The following COL4A6 variants were observed in gnomAD, a reference collection of about 807,000 sequenced individuals.
COL4A6 encodes collagen alpha-6(IV) chain.
COL4A6 carries 59 observed loss-of-function variants against 126.7 expected under a neutral mutation model. That is an observed-to-expected ratio of 0.47 (90% CI 0.38 to 0.58). The LOEUF (loss-of-function observed/expected upper bound fraction) is 0.58, where lower values mean the gene tolerates loss of function less well. Among genes scored for constraint, COL4A6 ranks in the 20% least tolerant of loss-of-function variants. COL4A6 has a pLI of 0.00. For synonymous variants in COL4A6, 547 were observed against 496.6 expected (o/e 1.10, Z -1.35); for missense variants, 1,285 against 1,337.3 (o/e 0.96, Z 0.61).
intron 2 of COL4A6, among the ~76,000 whole-genome samples, chrX:108,356,523 T>C (rs1401874385): frequency 9.0e-6 from 1 of 110,697 alleles, no homozygotes; most frequent in African/African-American, 3.3e-5. Flanking sequence ...TAAATAGGTT[T>C]GAAGGGTGAA....
At chrX:108,159,178 G>A (rs2294463) in intron 44 of COL4A6, among the ~76,000 whole-genome samples, 1,224 of 111,611 alleles carry the variant, frequency 0.011, 43 homozygotes, top group Admixed American at 0.081. Flanking sequence ...CTTCCCTTGG[G>A]TGTGGCATAA....
intron 3 of COL4A6, among the ~76,000 whole-genome samples, chrX:108,241,894 G>A (rs2036582244): frequency 9.1e-6 from 1 of 109,527 alleles, no homozygotes; most frequent in South Asian, 3.9e-4. Flanking sequence ...TTTTACTAAT[G>A]TTAACATCTT....
chrX:108,306,197 A>G (rs992054805), intron 3 of COL4A6, among the ~76,000 whole-genome samples: 2 of 112,294 alleles, frequency 1.8e-5, no homozygotes, highest in African/African-American at 6.5e-5. Context: ...ATCAAGGAAG[A>G]TAAGGAATGA....
At chrX:108,221,816 A>T (rs1175711886) in intron 3 of COL4A6, among the ~76,000 whole-genome samples, 1 of 112,510 alleles carries the variant, frequency 8.9e-6, no homozygotes, top group African/African-American at 3.2e-5. Flanking sequence ...GCTAAAGAAC[A>T]TTGCCCCAGG....
At chrX:108,396,468 G>A (rs772762031) in intron 2 of COL4A6, among the ~76,000 whole-genome samples, 2 of 111,454 alleles carry the variant, frequency 1.8e-5, no homozygotes, top group African/African-American at 6.5e-5. Flanking sequence ...CAAATGTGTC[G>A]GGACAGAGGT....
rs766678031 is a variant in COL4A6, at chrX:108,196,547, C to T, written c.867G>A (p.Lys289=). The change falls in exon 14 of 45, where the codon AAG becomes AAA. Residue 289 remains lysine (K), a synonymous_variant. Transcript: ENST00000334504. ...GCAAACCAGGGATTCCCTTTTCTCCCTTTTCTCCCTTTTCTCCAGTAGTTC... is the reference window on the plus strand; with the variant it reads ...GCAAACCAGGGATTCCCTTTTCTCCTTTTTCTCCCTTTTCTCCAGTAGTTC... ...GLGTTGEKGE[K]GEKGIPGLPG... 1.2e-5 allele frequency: 14 copies of T among 1,202,341 alleles called. No individual in the cohort carries two copies. The highest frequency in any genetic ancestry group is 1.8e-5 in the African/African-American group (1 of 56,975).
At chrX:108,227,877 C>T (rs141452049) in intron 3 of COL4A6, among the ~76,000 whole-genome samples, 490 of 111,796 alleles carry the variant, frequency 4.4e-3, no homozygotes, top group African/African-American at 0.015. Flanking sequence ...GCCAAGAGGA[C>T]GGATCCATTC....
chrX:108,236,104 A>G lies in COL4A6; in HGVS notation c.145-14730T>C, dbSNP rs778999577. On this transcript the variant is annotated intron_variant, in intron 3 of 44. Transcript: ENST00000334504. ...AGTTAATACAGAATTCTGTAGAGATAAAGTCCCCTATGAAGCCTGCCACGG... is the reference window on the plus strand; with the variant it reads ...AGTTAATACAGAATTCTGTAGAGATGAAGTCCCCTATGAAGCCTGCCACGG... Among the ~76,000 whole-genome samples the G allele has an allele frequency of 1.8e-4, 20 of 111,734 alleles. 1 individual carries two copies. Among genetic ancestry groups the G allele is most frequent in the African/African-American group, 6.2e-4 (19 of 30,754 alleles).
intron 9 of COL4A6, among the ~76,000 whole-genome samples, chrX:108,206,219 G>A (rs747523540): frequency 1.7e-4 from 19 of 111,580 alleles, no homozygotes; most frequent in African/African-American, 5.9e-4. Context: ...ACCTGTCATG[G>A]GTGAGGAAAT....
chrX:108,404,979 T>G (rs1354585896), intron 2 of COL4A6, among the ~76,000 whole-genome samples: 1 of 110,823 alleles, frequency 9.0e-6, no homozygotes, highest in Non-Finnish European at 1.9e-5. Flanking sequence ...AACAGCAACC[T>G]CATCTACCCC....
chrX:108,285,225 A>G (rs1235979253), intron 3 of COL4A6, among the ~76,000 whole-genome samples: 2 of 111,520 alleles, frequency 1.8e-5, no homozygotes, highest in Non-Finnish European at 3.8e-5. Flanking sequence ...AGAGCCCAAG[A>G]GGAAAGAATC....
intron 2 of COL4A6, among the ~76,000 whole-genome samples, chrX:108,380,359 T>C (rs2040536286): frequency 1.8e-5 from 2 of 112,301 alleles, no homozygotes; most frequent in Admixed American, 1.9e-4. Context: ...TTTTGGAAAC[T>C]GGATTTCTTC....
chrX:108,187,263 C>A lies in COL4A6; in HGVS notation c.1784G>T (p.Gly595Val). The A allele has an allele frequency of 1.7e-6, 2 of 1,163,299 alleles. No homozygotes were observed. The highest frequency in any genetic ancestry group is 2.3e-6 in the Non-Finnish European group (2 of 867,116). Reference sequence around the variant, plus strand: ...AGGTAACCCCTTTTCACCTGGGAAGCCCTGTCCACCATCACCCTAGACAAC... The same window carrying A: ...AGGTAACCCCTTTTCACCTGGGAAGACCTGTCCACCATCACCCTAGACAAC... ...LPGLPGDGGQ[G>V]FPGEKGLPGL... Residue 595 changes from glycine to valine, a missense_variant, in exon 23 of 45, where the codon GGC (glycine) becomes GTC (valine). Transcript: ENST00000334504.
At chrX:108,436,457 C>T (rs928177801) in intron 2 of COL4A6, among the ~76,000 whole-genome samples, 5 of 112,753 alleles carry the variant, frequency 4.4e-5, no homozygotes, top group Non-Finnish European at 9.4e-5. Context: ...CCCAAAAGTA[C>T]ACTGAATAAA....
chrX:108,378,503 T>C (rs2040491869), intron 2 of COL4A6, among the ~76,000 whole-genome samples: 1 of 112,435 alleles, frequency 8.9e-6, no homozygotes, highest in Non-Finnish European at 1.9e-5. Context: ...TTTTAAGCTA[T>C]AGAAGCTGGC....
chrX:108,224,275 C>T (rs186067511), intron 3 of COL4A6, among the ~76,000 whole-genome samples: 8 of 112,136 alleles, frequency 7.1e-5, no homozygotes, highest in African/African-American at 2.6e-4. Context: ...AATTTCTTGA[C>T]CCCTGTGTTC....
rs190647480 is a variant in COL4A6, at chrX:108,390,979, T to C, written c.63+46963A>G. ...CCTTCTAATAGTCAGGCCCCTCTGCTGCAGGTCTGCTGGAGTTTGCTGGAG... is the reference window on the plus strand; with the variant it reads ...CCTTCTAATAGTCAGGCCCCTCTGCCGCAGGTCTGCTGGAGTTTGCTGGAG... On this transcript the variant is annotated intron_variant, in intron 2 of 44. Transcript: ENST00000334504. 1.0e-3 allele frequency among the ~76,000 whole-genome samples: 114 copies of C among 111,659 alleles called. 4 individuals are homozygous for C. In the East Asian group the frequency reaches 0.031, roughly 31 times the overall value.
intron 3 of COL4A6, among the ~76,000 whole-genome samples, chrX:108,280,001 G>C (rs1480601761): frequency 7.2e-5 from 8 of 111,014 alleles, no homozygotes; most frequent in Non-Finnish European, 1.1e-4. Context: ...GCACTGTGTA[G>C]AGGGAAATTT....
intron 2 of COL4A6, among the ~76,000 whole-genome samples, chrX:108,411,230 G>T (rs1326135134): frequency 3.2e-5 from 2 of 62,624 alleles, no homozygotes; most frequent in Non-Finnish European, 4.3e-5. Context: ...CATGTCTTTT[G>T]TAAGAGCTAC....
Sources: allele counts gnomAD v4.1 joint callset (sites outside exome capture counted in the v4.1 genomes callset), GRCh38; gene constraint gnomAD v4.1.1; transcripts MANE v1.5; gene names NCBI Gene and HGNC (gene_info 2026-07-23, HGNC 2026-07-21).